LEPR: variants seen among roughly 807,000 people sequenced by gnomAD.
The protein encoded by LEPR is OB receptor.
LEPR carries 56 observed loss-of-function variants against 114.7 expected under a neutral mutation model. The observed-to-expected ratio is 0.49, with a 90% CI of 0.39 to 0.61. LEPR has a LOEUF of 0.61. Among genes scored for constraint, LEPR ranks in the 20% least tolerant of loss-of-function variants. The pLI is 0.00. For missense variants in LEPR, 1,202 were observed against 1,352.9 expected, an observed-to-expected ratio of 0.89 and a Z score of 1.75; for synonymous variants, 443 against 461.4, an observed-to-expected ratio of 0.96 and a Z score of 0.51.
intron 15 of LEPR, among the ~76,000 whole-genome samples, chr1:65,617,365 T>C (rs1570829137): frequency 6.6e-6 from 1 of 152,130 alleles, no homozygotes; most frequent in African/African-American, 2.4e-5. Flanking sequence ...TGAGTAGGAA[T>C]TAAACTTCCC....
chr1:65,572,290 G>GTTTTTT (rs747467075), intron 4 of LEPR, 36 bp from the exon 5 acceptor site: 284 of 799,714 alleles, frequency 3.6e-4, no homozygotes, highest in South Asian at 5.3e-4. Context: ...TCATGTAGTT[G>GTTTTTT]TTTTTTTTTT....
intron 2 of LEPR, among the ~76,000 whole-genome samples, chr1:65,519,003 T>TTTCTTCTTTCTTTC (rs1649479720): frequency 8.3e-6 from 1 of 120,264 alleles, no homozygotes; most frequent in Non-Finnish European, 2.0e-5. Flanking sequence ...TCCTTCTTTC[T>TTTCTTCTTTCTTTC]TCTTTCTTTC....
rs555981939 is a variant in LEPR, at chr1:65,631,579, A to G, written c.2674-4612A>G. Among the ~76,000 whole-genome samples the G allele has an allele frequency of 4.6e-5, 7 of 151,204 alleles. No homozygotes were observed. The South Asian group carries it at 1.1e-3, about 23-fold the overall frequency. ...GTGGGTCTGTATTTGACTCATTTAC[A>G]TACTGCCATTCCAACAGAATCTCTA... On this transcript the variant is annotated intron_variant, in intron 19 of 19. Coordinates refer to ENST00000349533, the MANE Select transcript of LEPR (RefSeq NM_002303.6).
At chr1:65,432,535 A>T in intron 2 of LEPR, 1 of 812,870 alleles carries the variant, frequency 1.2e-6, no homozygotes, top group Non-Finnish European at 1.5e-6. Flanking sequence ...TAAACCACTT[A>T]ACCTCTCTGG....
chr1:65,616,747 T>C (rs1216246547), intron 15 of LEPR, among the ~76,000 whole-genome samples: 2 of 152,168 alleles, frequency 1.3e-5, no homozygotes, highest in Admixed American at 1.3e-4. Context: ...AATTTTGATA[T>C]ATCTGATTAA....
chr1:65,583,953 TG>T (rs1254965965), intron 5 of LEPR, among the ~76,000 whole-genome samples: 1 of 152,146 alleles, frequency 6.6e-6, no homozygotes, highest in African/African-American at 2.4e-5. Context: ...ATGCATTTTT[TG>T]TAAACAAAAA....
Position 65,592,808 on chromosome 1 carries a change from A to G in LEPR, c.646A>G (p.Thr216Ala), listed in dbSNP as rs1361394261. The G allele has an allele frequency of 3.7e-6, 6 of 1,613,324 alleles. No individual in the cohort carries two copies. The South Asian group carries it at 5.5e-5, about 15-fold the overall frequency. ...CACTCTCCTTATGTGTTTGAAAATC[A>G]CATCTGGTGGAGTAATTTTCCAGTC... The part of the protein sequence containing the change: ...NDTLLMCLKI[T>A]SGGVIFQSPL... Residue 216 changes from threonine to alanine, a missense_variant, in exon 6 of 20, where the codon ACA becomes GCA. Physicochemically the swap from Thr to Ala is moderately conservative, Grantham distance 58. Coordinates refer to ENST00000349533, the MANE Select transcript of LEPR (RefSeq NM_002303.6).
At chr1:65,490,614 G>C (rs779031086) in intron 2 of LEPR, among the ~76,000 whole-genome samples, 9 of 152,094 alleles carry the variant, frequency 5.9e-5, no homozygotes, top group Non-Finnish European at 1.2e-4. Flanking sequence ...AGAGGAAAGA[G>C]ATATTAGAAA....
At chr1:65,425,485 G>C in intron 2 of LEPR, 107 bp downstream of exon 2, 1 of 870,186 alleles carries the variant, frequency 1.1e-6, no homozygotes, top group Non-Finnish European at 1.7e-6. Flanking sequence ...TAACCAGTGA[G>C]TTAGTGGAGC....
intron 2 of LEPR, among the ~76,000 whole-genome samples, chr1:65,554,457 T>C (rs990046363): frequency 7.2e-5 from 11 of 152,160 alleles, no homozygotes; most frequent in African/African-American, 2.7e-4. Context: ...AGAGGCTTTG[T>C]GTGCAGCAGT....
intron 2 of LEPR, among the ~76,000 whole-genome samples, chr1:65,429,324 A>G (rs1475523694): frequency 6.6e-6 from 1 of 152,206 alleles, no homozygotes; most frequent in Non-Finnish European, 1.5e-5. Context: ...AGAGTGTTCA[A>G]GGGACAGAAA....
intron 1 of LEPR, chr1:65,421,361 T>C (rs545658110): frequency 6.5e-7 from 1 of 1,536,058 alleles, no homozygotes; most frequent in Non-Finnish European, 8.7e-7. Context: ...TATGTGTTTT[T>C]TGCATGGGGC....
At chr1:65,521,328 G>C (rs539355804) in intron 2 of LEPR, among the ~76,000 whole-genome samples, 1 of 152,106 alleles carries the variant, frequency 6.6e-6, no homozygotes, top group Non-Finnish European at 1.5e-5. Context: ...TTGTCTGATC[G>C]AAAACCCTTA....
intron 2 of LEPR, among the ~76,000 whole-genome samples, chr1:65,450,241 A>ATT (rs141012084): frequency 5.3e-5 from 8 of 150,126 alleles, no homozygotes; most frequent in Admixed American, 1.3e-4. Flanking sequence ...TAGTCCATAG[A>ATT]TTTTTTTTTT....
At chr1:65,616,297 A>G (rs1657519568) in intron 15 of LEPR, 73 bp downstream of exon 15, 1 of 1,466,906 alleles carries the variant, frequency 6.8e-7, no homozygotes, top group South Asian at 1.2e-5. Context: ...CCTATTTTAA[A>G]TTATCTTTCA....
chr1:65,424,638 C>T (rs185824375), intron 1 of LEPR, among the ~76,000 whole-genome samples: 5 of 152,328 alleles, frequency 3.3e-5, no homozygotes, highest in Non-Finnish European at 5.9e-5. Context: ...AAACAACAAA[C>T]ATTTAGTTTC....
chr1:65,437,545 G>A (rs1646580758), intron 2 of LEPR, among the ~76,000 whole-genome samples: 1 of 151,904 alleles, frequency 6.6e-6, no homozygotes, highest in Non-Finnish European at 1.5e-5. Context: ...GTCACAAAAG[G>A]CTGAGGCAGG....
At chr1:65,575,814 T>C (rs577589893) in intron 5 of LEPR, among the ~76,000 whole-genome samples, 11 of 151,342 alleles carry the variant, frequency 7.3e-5, no homozygotes, top group Admixed American at 2.0e-4. Flanking sequence ...AACTCTAGAG[T>C]TAAAATTATA....
chr1:65,629,081 A>G (rs1658381219), intron 19 of LEPR, among the ~76,000 whole-genome samples: 2 of 152,150 alleles, frequency 1.3e-5, no homozygotes, highest in Admixed American at 1.3e-4. Flanking sequence ...ATTTACTCCC[A>G]CACATTATTC....
Sources: allele counts gnomAD v4.1 joint callset (sites outside exome capture counted in the v4.1 genomes callset), GRCh38; gene constraint gnomAD v4.1.1; transcripts MANE v1.5; gene names NCBI Gene and HGNC (gene_info 2026-07-23, HGNC 2026-07-21).